The following TDRD5 variants were observed in gnomAD, a reference collection of about 807,000 sequenced individuals.
TDRD5 encodes tudor domain-containing protein 5.
TDRD5 carries 41 observed loss-of-function variants against 120.6 expected under a neutral mutation model. The observed-to-expected ratio is 0.34, with a 90% CI of 0.26 to 0.44. The LOEUF is 0.44. Among genes scored for constraint, TDRD5 ranks in the 20% least tolerant of loss-of-function variants. The pLI is 1.00. For missense variants in TDRD5, 1,006 were observed against 1,221.2 expected (o/e 0.82, Z 2.63); for synonymous variants, 430 against 433.7 (o/e 0.99, Z 0.11).
chr1:179,640,728 A>G (rs995455308), intron 11 of TDRD5, among the ~76,000 whole-genome samples: 1 of 152,156 alleles, frequency 6.6e-6, no homozygotes, highest in African/African-American at 2.4e-5. Context: ...TTGAAGGAAG[A>G]TTAGGAAGAT....
intron 4 of TDRD5, among the ~76,000 whole-genome samples, chr1:179,610,088 A>G (rs1160558470): frequency 2.6e-5 from 4 of 152,126 alleles, no homozygotes; most frequent in Non-Finnish European, 5.9e-5. Context: ...TTGTTATTCA[A>G]CAGCTCTAAA....
chr1:179,650,775 T>A, intron 11 of TDRD5, 92 bp from the exon 12 acceptor site: 2 of 1,292,364 alleles, frequency 1.5e-6, no homozygotes, highest in Non-Finnish European at 1.1e-6. Context: ...TCCACTTAAA[T>A]CTCTAGTTCA....
chr1:179,631,556 T>C (rs1677450041), intron 7 of TDRD5, among the ~76,000 whole-genome samples: 1 of 152,228 alleles, frequency 6.6e-6, no homozygotes, highest in South Asian at 2.1e-4. Flanking sequence ...TGGGTGTGCG[T>C]TGGGACCCAG....
intron 9 of TDRD5, among the ~76,000 whole-genome samples, chr1:179,637,618 A>G (rs1325539393): frequency 6.6e-6 from 1 of 151,472 alleles, no homozygotes; most frequent in Non-Finnish European, 1.5e-5. Context: ...ATGATGGTGC[A>G]TGCCTGTAGT....
rs770261852 is a variant in TDRD5, at chr1:179,640,035, T to C, written c.1717T>C (p.Ser573Pro). ...FGNIGIVQKS[S>P]LRFLKCCYTK... The stretch of plus-strand genomic sequence containing the variant: ...AAATATTGGAATTGTTCAGAAGTCC[T>C]CCCTGAGGTTCCTCAAGTGAGTTGA... The change falls in exon 10 of 18, where the codon TCC becomes CCC. Residue 573 changes from serine (S) to proline (P), a missense_variant. Physicochemically the swap from Ser to Pro is moderately conservative, Grantham distance 74. Transcript: ENST00000444136. 6.2e-7 allele frequency: 1 copy of C among 1,614,076 alleles called. No homozygotes were observed. The highest frequency in any genetic ancestry group is 8.5e-7 in the Non-Finnish European group (1 of 1,179,972).
chr1:179,667,344 A>T (rs1336150490), intron 16 of TDRD5, among the ~76,000 whole-genome samples: 1 of 152,236 alleles, frequency 6.6e-6, no homozygotes, highest in Non-Finnish European at 1.5e-5. Flanking sequence ...TTTGTCAAGA[A>T]AGAAGATATA....
chr1:179,609,982 T>G lies in TDRD5; in HGVS notation c.832-8617T>G, dbSNP rs1311913550. On this transcript the variant is annotated intron_variant, in intron 4 of 17. Coordinates refer to ENST00000444136, the MANE Select transcript of TDRD5 (RefSeq NM_001199085.3). ...CATCTAGACTGCCAGGCTGTTTCTG[T>G]TACTTCTTCCTACACCATATCCTGA... 3.3e-5 allele frequency among the ~76,000 whole-genome samples: 5 copies of G among 152,256 alleles called. No individual in the cohort carries two copies. In the East Asian group the frequency reaches 9.7e-4, roughly 29 times the overall value.
intron 11 of TDRD5, 44 bp from the exon 12 acceptor site, chr1:179,650,823 G>GT (rs1558406637): frequency 6.3e-7 from 1 of 1,589,220 alleles, no homozygotes; most frequent in Admixed American, 1.7e-5. Flanking sequence ...TATAATTCAT[G>GT]TTTAGATCTA....
chr1:179,647,911 C>T (rs958789991), intron 11 of TDRD5, among the ~76,000 whole-genome samples: 8 of 149,628 alleles, frequency 5.3e-5, no homozygotes, highest in African/African-American at 2.0e-4. Context: ...CATCTCACAC[C>T]AGTTAGAATG....
At chr1:179,602,137 G>A (rs1313265505) in intron 4 of TDRD5, among the ~76,000 whole-genome samples, 1 of 152,150 alleles carries the variant, frequency 6.6e-6, no homozygotes, top group Non-Finnish European at 1.5e-5. Flanking sequence ...TCTCCACAGT[G>A]TTTTCCTTAG....
At chr1:179,598,416 T>A (rs1409500718) in intron 4 of TDRD5, among the ~76,000 whole-genome samples, 1 of 152,228 alleles carries the variant, frequency 6.6e-6, no homozygotes, top group East Asian at 1.9e-4. Context: ...AAGATTGTGA[T>A]CTTCATTAGA....
At chr1:179,619,168 T>C (rs1676714318) in intron 5 of TDRD5, among the ~76,000 whole-genome samples, 1 of 152,210 alleles carries the variant, frequency 6.6e-6, no homozygotes, top group Non-Finnish European at 1.5e-5. Flanking sequence ...TCTTATGTTT[T>C]GATTATAAAT....
chr1:179,669,248 T>C lies in TDRD5; in HGVS notation c.2704T>C (p.Phe902Leu), dbSNP rs756995942. ...DSSTLPKLEE[F>L]CTSLTQSEQS... ...TTCCACACTGCCCAAATTGGAAGAATTCTGTACCTCTCTTACCCAGTCAGA... is the reference window on the plus strand; with the variant it reads ...TTCCACACTGCCCAAATTGGAAGAACTCTGTACCTCTCTTACCCAGTCAGA... The change falls in exon 17 of 18, where the codon TTC becomes CTC. Residue 902 changes from phenylalanine (F) to leucine (L), a missense_variant. This residue lies in a region of TDRD5 where 403 missense variants were observed against 448.1 expected (regional missense o/e 0.90). Coordinates refer to ENST00000444136, the MANE Select transcript of TDRD5 (RefSeq NM_001199085.3). The C allele has an allele frequency of 2.5e-6, 4 of 1,614,158 alleles. No individual in the cohort carries two copies. The East Asian group carries it at 8.9e-5, about 36-fold the overall frequency.
At chr1:179,646,253 ACTTTAACTC>A (rs1678356287) in intron 11 of TDRD5, among the ~76,000 whole-genome samples, 2 of 152,232 alleles carry the variant, frequency 1.3e-5, no homozygotes, top group South Asian at 4.1e-4. Flanking sequence ...ACATTAGAGC[ACTTTAACTC>A]CTTTACCCTC....
At chr1:179,681,046 C>T (rs971995820) in intron 17 of TDRD5, among the ~76,000 whole-genome samples, 2 of 150,866 alleles carry the variant, frequency 1.3e-5, no homozygotes, top group African/African-American at 4.9e-5. Context: ...TGCAAAACCG[C>T]ACCACGTGTT....
At chr1:179,642,446 C>T (rs966947539) in intron 11 of TDRD5, among the ~76,000 whole-genome samples, 2 of 152,172 alleles carry the variant, frequency 1.3e-5, no homozygotes, top group Non-Finnish European at 2.9e-5. Context: ...GGCTTTTGCA[C>T]ATTCTAATAA....
chr1:179,601,962 C>T (rs545735186), intron 4 of TDRD5, among the ~76,000 whole-genome samples: 5 of 152,302 alleles, frequency 3.3e-5, no homozygotes, highest in East Asian at 1.9e-4. Flanking sequence ...CACGCCATCA[C>T]GCCCAGGTAA....
intron 6 of TDRD5, among the ~76,000 whole-genome samples, chr1:179,629,579 A>G (rs967050029): frequency 2.6e-5 from 4 of 152,228 alleles, no homozygotes; most frequent in African/African-American, 7.2e-5. Flanking sequence ...AGGATAATAC[A>G]TACAATAAAT....
chr1:179,638,277 T>C (rs1677878840), intron 9 of TDRD5, among the ~76,000 whole-genome samples: 1 of 126,808 alleles, frequency 7.9e-6, no homozygotes, highest in Non-Finnish European at 1.7e-5. Flanking sequence ...AGAGATAAAT[T>C]GGGAAAATGA....
Sources: gnomAD v4.1 joint callset for allele counts (sites outside exome capture counted in the v4.1 genomes callset) on GRCh38, gnomAD v4.1.1 for gene constraint, gnomAD v4.1.1 regional missense constraint, MANE v1.5 for transcripts, NCBI Gene and HGNC (gene_info 2026-07-23, HGNC 2026-07-21) for gene names.